The following RAD18 variants were observed in gnomAD, a reference collection of about 807,000 sequenced individuals.
RAD18 encodes RAD18 E3 ubiquitin protein ligase.
In RAD18, 47 loss-of-function variants were observed where a neutral mutation model predicts 60.4. That is an observed-to-expected ratio of 0.78 (90% confidence interval 0.62 to 0.99). The LOEUF is 0.99. RAD18 is among the 50% of genes least tolerant of loss of function. The pLI, the probability that RAD18 is intolerant of heterozygous loss-of-function variation, is 0.00. For synonymous variants in RAD18, 225 were observed against 195.5 expected (o/e 1.15, Z -1.26); for missense variants, 640 against 593.3 (o/e 1.08, Z -0.82).
chr3:8,880,995 C>A lies in RAD18; in HGVS notation c.*362G>T. On this transcript the variant is annotated 3_prime_UTR_variant, in exon 13 of 13. Transcript: ENST00000264926. The stretch of plus-strand genomic sequence containing the variant: ...AATCCTTTTGTGAGGCTGGATTCTC[C>A]ATGGAAGAGAAGGAGAATGGCCTAA... 1 of 175,586 alleles carries A rather than the reference C, an allele frequency of 5.7e-6. No homozygotes were observed. The highest frequency in any genetic ancestry group is 1.2e-5 in the Non-Finnish European group (1 of 82,994). 10.9% of individuals were successfully genotyped at this position (175,586 alleles called of 1,614,324 possible).
intron 2 of RAD18, among the ~76,000 whole-genome samples, chr3:8,956,365 A>G (rs1465807824): frequency 6.6e-6 from 1 of 152,212 alleles, no homozygotes; most frequent in African/African-American, 2.4e-5. Flanking sequence ...TCACTAAACG[A>G]TTAACGGTAG....
chr3:8,963,302 C>T, intron 1 of RAD18, 33 bp downstream of exon 1: 1 of 1,587,578 alleles, frequency 6.3e-7, no homozygotes, highest in South Asian at 1.1e-5. Context: ...CCCGCAGACA[C>T]CCGGGAGCTC....
At position 8,881,102 on chromosome 3, in the gene RAD18, T is replaced by G; in HGVS notation, c.*255A>C. 2.6e-6 allele frequency: 1 copy of G among 391,748 alleles called. No individual in the cohort carries two copies. The highest frequency in any genetic ancestry group is 4.6e-6 in the Non-Finnish European group (1 of 215,992). The allele number at this position is 391,748 out of a possible 1,614,324, so 24.3% of individuals were successfully genotyped here. A position where few individuals can be genotyped will look rare whatever the true frequency, so the allele number is the denominator to read the frequency against. On this transcript the variant is annotated 3_prime_UTR_variant, in exon 13 of 13. Transcript: ENST00000264926. ...AAAGTGCCAAAGAGTCTACCTCCTCTGCAAAGCTGGTACCTGTGTGAAATG... is the reference window on the plus strand; with the variant it reads ...AAAGTGCCAAAGAGTCTACCTCCTCGGCAAAGCTGGTACCTGTGTGAAATG...
At chr3:8,947,529 T>C (rs1940857602) in intron 3 of RAD18, among the ~76,000 whole-genome samples, 2 of 152,212 alleles carry the variant, frequency 1.3e-5, no homozygotes, top group African/African-American at 4.8e-5. Context: ...TATAATCATA[T>C]ATACTCTGTA....
intron 10 of RAD18, among the ~76,000 whole-genome samples, chr3:8,902,000 CTGTT>C (rs1197556223): frequency 1.3e-5 from 2 of 152,172 alleles, no homozygotes; most frequent in African/African-American, 4.8e-5. Flanking sequence ...TAACTTTAGA[CTGTT>C]TGGCAGAACA....
chr3:8,948,561 A>C lies in RAD18; in HGVS notation c.143T>G (p.Leu48Arg), dbSNP rs189278173. The change falls in exon 3 of 13, where the codon CTC becomes CGC. Residue 48 changes from leucine to arginine, a missense_variant. By Grantham distance (102) the Leu-to-Arg change is moderately radical. Coordinates refer to ENST00000264926, the MANE Select transcript of RAD18 (RefSeq NM_020165.4). ...ATAGGACAGAAATTTTCTTATACAGAGAGAGCAGTCTGCAAAACACAAAGT... is the reference window on the plus strand; with the variant it reads ...ATAGGACAGAAATTTTCTTATACAGCGAGAGCAGTCTGCAAAACACAAAGT... ...IPQCSHNYCS[L>R]CIRKFLSYKT... is the part of the protein sequence containing the mutation. 1.9e-6 allele frequency: 3 copies of C among 1,611,884 alleles called. No individual in the cohort carries two copies. The Admixed American group carries it at 5.0e-5, about 27-fold the overall frequency.
chr3:8,926,162 C>T (rs1213668664), intron 7 of RAD18, among the ~76,000 whole-genome samples: 1 of 152,064 alleles, frequency 6.6e-6, no homozygotes, highest in Non-Finnish European at 1.5e-5. Context: ...TCTAGAAAAC[C>T]CCATCGTCTC....
At chr3:8,930,130 A>G (rs1216824452) in intron 7 of RAD18, among the ~76,000 whole-genome samples, 1 of 152,266 alleles carries the variant, frequency 6.6e-6, no homozygotes, top group African/African-American at 2.4e-5. Flanking sequence ...ATAAATGTTC[A>G]TAACAGCATT....
intron 7 of RAD18, among the ~76,000 whole-genome samples, chr3:8,916,085 C>CGAAA (rs1940195627): frequency 1.3e-5 from 2 of 152,162 alleles, no homozygotes; most frequent in African/African-American, 4.8e-5. Flanking sequence ...AAGCCACTGA[C>CGAAA]GAAAGGTCAG....
rs752643529 is a variant in RAD18 at position 8,902,382 on chromosome 3, A to G, written c.1166T>C (p.Met389Thr). 5.7e-6 allele frequency: 9 copies of G among 1,584,624 alleles called. No homozygotes were observed. The African/African-American group carries it at 1.1e-4, about 19-fold the overall frequency. The change falls in exon 10 of 13, where the codon ATG becomes ACG. Residue 389 changes from methionine (M) to threonine (T), a missense_variant and splice_region_variant. Coordinates refer to ENST00000264926, the MANE Select transcript of RAD18 (RefSeq NM_020165.4). ...TGTTTTTAATTATAGTCTCTTACCC[A>G]TGCATACAGAAGATAGCTTTTCTGT... Reference protein sequence around the residue: ...ESTEKLSSVCMGQEDNMTSVT... With the variant: ...ESTEKLSSVCTGQEDNMTSVT...
At chr3:8,911,992 G>A (rs11706531) in intron 9 of RAD18, among the ~76,000 whole-genome samples, 16,584 of 152,204 alleles carry the variant, frequency 0.11, 1,010 homozygotes, top group East Asian at 0.24. Flanking sequence ...TGAGTGGCCT[G>A]AGGACAGGAT....
intron 11 of RAD18, among the ~76,000 whole-genome samples, chr3:8,891,367 T>C (rs1381724258): frequency 6.6e-6 from 1 of 152,128 alleles, no homozygotes; most frequent in African/African-American, 2.4e-5. Context: ...ATCTCTACTA[T>C]TCTAGCTAAG....
chr3:8,900,160 C>T (rs1288890816), intron 10 of RAD18, among the ~76,000 whole-genome samples: 1 of 152,152 alleles, frequency 6.6e-6, no homozygotes, highest in Non-Finnish European at 1.5e-5. Context: ...CTCCTAATGT[C>T]ATCTGGCTGT....
rs1402914445 is a variant in RAD18, at chr3:8,881,400, T to G, written c.1445A>C (p.Glu482Ala). The part of the protein sequence containing the change: ...PRQNRRTRAA[E>A]SAEIEPRNKR... ...GTTTCTTGGTTCAATCTCAGCACTT[T>G]CAGCGGCTCTTGTGCGGCGATTCTG... The change falls in exon 13 of 13, where the codon GAA (glutamate) becomes GCA (alanine). Residue 482 changes from glutamate (E) to alanine (A), a missense_variant. Physicochemically the swap from Glu to Ala is moderately radical, Grantham distance 107 (BLOSUM62 -1). Coordinates refer to ENST00000264926, the MANE Select transcript of RAD18 (RefSeq NM_020165.4). The G allele has an allele frequency of 6.2e-7, 1 of 1,613,380 alleles. No homozygotes were observed. The highest frequency in any genetic ancestry group is 1.7e-5 in the Admixed American group (1 of 60,012).
chr3:8,892,504 T>C (rs1939709206), intron 11 of RAD18, among the ~76,000 whole-genome samples: 1 of 152,230 alleles, frequency 6.6e-6, no homozygotes. Context: ...ACCTGCAATT[T>C]ATTTTTCACA....
At chr3:8,890,638 G>C (rs1392415783) in intron 11 of RAD18, among the ~76,000 whole-genome samples, 187 bp from the exon 12 acceptor site, 1 of 152,152 alleles carries the variant, frequency 6.6e-6, no homozygotes, top group Admixed American at 6.6e-5. Flanking sequence ...TTTCCATTAG[G>C]AGAGGAGGAG....
chr3:8,959,193 A>G (rs1173765258), intron 1 of RAD18, among the ~76,000 whole-genome samples, 192 bp from the exon 2 acceptor site: 1 of 152,260 alleles, frequency 6.6e-6, no homozygotes, highest in Non-Finnish European at 1.5e-5. Flanking sequence ...TGACTCTTAT[A>G]CATTCAGTCT....
intron 5 of RAD18, 84 bp downstream of exon 5, chr3:8,941,383 C>A (rs565729810): frequency 4.2e-6 from 5 of 1,200,618 alleles, no homozygotes; most frequent in Non-Finnish European, 5.8e-6. Flanking sequence ...CCATTCCTTC[C>A]CCCTCAAAGA....
At chr3:8,910,547 G>C (rs561642159) in intron 9 of RAD18, among the ~76,000 whole-genome samples, 1 of 151,810 alleles carries the variant, frequency 6.6e-6, no homozygotes, top group East Asian at 1.9e-4. Context: ...GGCAGAGCTT[G>C]CAGTGAGCCA....
Sources: gnomAD v4.1 joint callset for allele counts (sites outside exome capture counted in the v4.1 genomes callset) on GRCh38, gnomAD v4.1.1 for gene constraint, MANE v1.5 for transcripts, NCBI Gene and HGNC (gene_info 2026-07-23, HGNC 2026-07-21) for gene names.